MYLK4: variants seen among roughly 807,000 people sequenced by gnomAD.
The protein encoded by MYLK4 is caMLCK like.
Under a neutral mutation model 48.1 loss-of-function variants are expected in MYLK4, and 46 were observed. That is an observed-to-expected ratio of 0.96 (90% confidence interval 0.75 to 1.22). The LOEUF is 1.22. MYLK4 is among the 50% of genes most tolerant of loss of function. The pLI, the probability that MYLK4 is intolerant of heterozygous loss-of-function variation, is 0.00. For synonymous variants in MYLK4, 170 were observed against 180.8 expected (o/e 0.94, Z 0.48); for missense variants, 451 against 486.1 (o/e 0.93, Z 0.68).
Position 2,717,552 on chromosome 6 carries a change from G to A in MYLK4, c.160-24693C>T, listed in dbSNP as rs536773373. 2.0e-5 allele frequency among the ~76,000 whole-genome samples: 3 copies of A among 152,280 alleles called. No homozygotes were observed. The East Asian group carries it at 5.8e-4, about 29-fold the overall frequency. ...ATTTCCCTGGCTCTCCCGAGATTTG[G>A]GATTAGACTGTAATCTTGGGCTTCT... On this transcript the variant is annotated intron_variant, in intron 2 of 12. Transcript: ENST00000274643.
chr6:2,733,328 G>C (rs558508422), intron 2 of MYLK4, among the ~76,000 whole-genome samples: 1 of 152,268 alleles, frequency 6.6e-6, no homozygotes, highest in South Asian at 2.1e-4. Context: ...GAAGAGTTAT[G>C]GTGGAAATGG....
the MYLK4 span, chr6:2,766,479 T>A: frequency 6.2e-6 from 9 of 1,462,208 alleles, no homozygotes; most frequent in South Asian, 1.1e-4. Context: ...CTTCCGTAGT[T>A]ATCTCGGCGG....
At chr6:2,738,305 CAG>C (rs1763770926) in intron 2 of MYLK4, among the ~76,000 whole-genome samples, 1 of 152,170 alleles carries the variant, frequency 6.6e-6, no homozygotes, top group Non-Finnish European at 1.5e-5. Context: ...TTATGACTAA[CAG>C]AGTACTGAGC....
At chr6:2,735,153 G>T (rs574828651) in intron 2 of MYLK4, among the ~76,000 whole-genome samples, 2 of 152,180 alleles carry the variant, frequency 1.3e-5, no homozygotes, top group Non-Finnish European at 2.9e-5. Flanking sequence ...AATTCTTCCC[G>T]TATTAGAGCC....
chr6:2,767,733 C>T, the MYLK4 span, among the ~76,000 whole-genome samples: 1 of 152,144 alleles, frequency 6.6e-6, no homozygotes. Context: ...GCAAGAAGGT[C>T]CTTAGGGAGA....
chr6:2,678,347 C>A lies in MYLK4; in HGVS notation c.913G>T (p.Gly305Cys), dbSNP rs747309392. The A allele has an allele frequency of 1.2e-6, 2 of 1,613,956 alleles. No individual in the cohort carries two copies. The highest frequency in any genetic ancestry group is 4.5e-5 in the East Asian group (2 of 44,878). ...MLLSGLSPFL[G>C]DNDAETLNNI... ...TTCAGCGTCTCAGCATCATTGTCAC[C>A]CAGGAAAGGCGACAAACCGCTAAGT... The change falls in exon 10 of 13, where the codon GGT (glycine) becomes TGT (cysteine). Residue 305 changes from glycine (G) to cysteine (C), a missense_variant. Transcript: ENST00000274643.
chr6:2,765,066 C>G, the MYLK4 span, among the ~76,000 whole-genome samples: 3 of 152,046 alleles, frequency 2.0e-5, no homozygotes, highest in African/African-American at 7.2e-5. Context: ...CTCGCCGCTC[C>G]AACAACCTCG....
At chr6:2,760,382 A>G in the MYLK4 span, among the ~76,000 whole-genome samples, 1 of 152,188 alleles carries the variant, frequency 6.6e-6, no homozygotes, top group Non-Finnish European at 1.5e-5. Flanking sequence ...GCACATCATC[A>G]TGTTCACAAC....
intron 2 of MYLK4, among the ~76,000 whole-genome samples, chr6:2,730,957 A>G (rs1450153244): frequency 6.6e-6 from 1 of 152,196 alleles, no homozygotes; most frequent in Admixed American, 6.5e-5. Context: ...GTTGTGGTCC[A>G]AAAATATCCT....
chr6:2,734,457 C>A (rs1364488809), intron 2 of MYLK4, among the ~76,000 whole-genome samples: 1 of 152,118 alleles, frequency 6.6e-6, no homozygotes. Context: ...TAACTGGCCA[C>A]AGGACAAGTT....
At chr6:2,713,821 T>G (rs1762769147) in intron 2 of MYLK4, among the ~76,000 whole-genome samples, 1 of 152,236 alleles carries the variant, frequency 6.6e-6, no homozygotes. Flanking sequence ...GAGCTCCCAT[T>G]CAGTAGAGAA....
chr6:2,692,704 C>T, intron 3 of MYLK4, 80 bp downstream of exon 3: 3 of 1,215,796 alleles, frequency 2.5e-6, no homozygotes, highest in Non-Finnish European at 3.5e-6. Flanking sequence ...TATGAATGTG[C>T]AACTTCCTCT....
At chr6:2,745,822 G>T (rs1310026956) in intron 2 of MYLK4, among the ~76,000 whole-genome samples, 2 of 151,888 alleles carry the variant, frequency 1.3e-5, no homozygotes, top group Non-Finnish European at 2.9e-5. Flanking sequence ...CTACTTGGGA[G>T]GCTGAGGCAG....
chr6:2,740,326 C>T (rs1439675755), intron 2 of MYLK4, among the ~76,000 whole-genome samples: 1 of 152,254 alleles, frequency 6.6e-6, no homozygotes, highest in Non-Finnish European at 1.5e-5. Context: ...TCTGAAAGTG[C>T]TTCACCTCAG....
intron 2 of MYLK4, among the ~76,000 whole-genome samples, chr6:2,694,524 G>GGTGGTAGTGTTC (rs1761960782): frequency 6.2e-4 from 1 of 1,614 alleles, no homozygotes; most frequent in Non-Finnish European, 1.4e-3. Context: ...GGTGGTGGTG[G>GGTGGTAGTGTTC]TGGTGGTAGT....
chr6:2,716,375 G>A (rs1461657), intron 2 of MYLK4, among the ~76,000 whole-genome samples: 28,932 of 152,116 alleles, frequency 0.19, 2,972 homozygotes, highest in African/African-American at 0.25. Flanking sequence ...ATCCTGTTTG[G>A]GTAAATCCTT....
intron 2 of MYLK4, among the ~76,000 whole-genome samples, chr6:2,719,995 C>A (rs1998627): frequency 0.039 from 5,986 of 151,994 alleles, 251 homozygotes; most frequent in East Asian, 0.24. Context: ...AAAATCAGTC[C>A]TATTCCCAGA....
intron 2 of MYLK4, among the ~76,000 whole-genome samples, chr6:2,725,147 C>T (rs1459999954): frequency 1.3e-5 from 2 of 151,374 alleles, no homozygotes; most frequent in African/African-American, 4.9e-5. Context: ...TGAGACTCTG[C>T]CTCAAAAACA....
Position 2,685,171 on chromosome 6 carries a change from C to T in MYLK4, c.545+125G>A, listed in dbSNP as rs1016701878. On this transcript the variant is annotated intron_variant, in intron 6 of 12. Coordinates refer to ENST00000274643, the MANE Select transcript of MYLK4 (RefSeq NM_001012418.5). The surrounding 1 kb of genome is among the most constrained non-coding windows in gnomAD (Gnocchi z 4.5). ...AACTGATGTGATTGTGTGATCCGCG[C>T]GAATCAGAGTCTGCGGGGGCGAGCT... 10 of 695,730 alleles carry T rather than the reference C, an allele frequency of 1.4e-5. No homozygotes were observed. Among genetic ancestry groups the T allele is most frequent in the South Asian group, 4.9e-5 (3 of 60,774 alleles). 43.1% of individuals were successfully genotyped at this position (695,730 alleles called of 1,614,324 possible).
Sources: allele counts gnomAD v4.1 joint callset (sites outside exome capture counted in the v4.1 genomes callset), GRCh38; gene constraint gnomAD v4.1.1; non-coding constraint Gnocchi (gnomAD v3.1); transcripts MANE v1.5; gene names NCBI Gene and HGNC (gene_info 2026-07-23, HGNC 2026-07-21).